MEIS2: variants seen among roughly 807,000 people sequenced by gnomAD.
MEIS2 encodes homeobox protein Meis2.
MEIS2 carries 9 observed loss-of-function variants against 58.6 expected under a neutral mutation model. The observed-to-expected ratio is 0.15, with a 90% confidence interval of 0.09 to 0.27. The LOEUF (loss-of-function observed/expected upper bound fraction) is 0.27. MEIS2 is among the 10% of genes least tolerant of loss of function. The probability of loss-of-function intolerance (pLI) is 1.00; values close to 1 mark genes in which losing one functional copy is unlikely to be tolerated. For synonymous variants in MEIS2, 221 were observed against 228.4 expected (o/e 0.97, Z 0.29); for missense variants, 427 against 635.0 (o/e 0.67, Z 3.52).
chr15:37,088,982 C>T (rs902170584), intron 6 of MEIS2, among the ~76,000 whole-genome samples: 2 of 152,126 alleles, frequency 1.3e-5, no homozygotes, highest in African/African-American at 4.8e-5. Flanking sequence ...CATCTCATCA[C>T]AGTTACACTG....
At chr15:36,980,458 C>T (rs2059896322) in intron 8 of MEIS2, among the ~76,000 whole-genome samples, 1 of 152,154 alleles carries the variant, frequency 6.6e-6, no homozygotes, top group African/African-American at 2.4e-5. Flanking sequence ...TCACCTCTTA[C>T]ATGGATGGCA....
chr15:36,916,983 TCA>T lies in MEIS2; in HGVS notation c.978-20299_978-20298del, dbSNP rs2057306986. On this transcript the variant is annotated intron_variant, in intron 9 of 11. Coordinates refer to ENST00000561208, the MANE Select transcript of MEIS2 (RefSeq NM_170675.5). ...AGTTAGTAAGTGGCAGAAGTGGCAG[TCA>T]GATACACTCATGCACACATATGCGC... is the stretch of plus-strand genomic sequence containing the variant. 2.0e-5 allele frequency among the ~76,000 whole-genome samples: 3 copies of T among 152,222 alleles called. No homozygotes were observed. In the South Asian group the frequency reaches 6.2e-4, roughly 32 times the overall value.
At chr15:37,001,649 A>G (rs1449298588) in intron 8 of MEIS2, among the ~76,000 whole-genome samples, 1 of 152,112 alleles carries the variant, frequency 6.6e-6, no homozygotes, top group African/African-American at 2.4e-5. Context: ...TCATTAGCTT[A>G]CACTTAGATC....
At chr15:36,935,213 G>A (rs572685486) in intron 9 of MEIS2, among the ~76,000 whole-genome samples, 86 of 147,392 alleles carry the variant, frequency 5.8e-4, no homozygotes, top group African/African-American at 2.0e-3. Flanking sequence ...TAGCGGAGGA[G>A]AAATTCTTCT....
intron 8 of MEIS2, among the ~76,000 whole-genome samples, chr15:36,966,985 C>G (rs1301357215): frequency 6.6e-6 from 1 of 152,142 alleles, no homozygotes; most frequent in Non-Finnish European, 1.5e-5. Context: ...GCCAGACCAT[C>G]CTGGGCCTGT....
chr15:36,958,122 T>C (rs752688398), intron 8 of MEIS2, among the ~76,000 whole-genome samples: 1 of 152,142 alleles, frequency 6.6e-6, no homozygotes, highest in Non-Finnish European at 1.5e-5. Flanking sequence ...TAGCCTCCTA[T>C]AGAATTCAGA....
At chr15:36,930,098 G>T (rs1186772334) in intron 9 of MEIS2, among the ~76,000 whole-genome samples, 1 of 151,648 alleles carries the variant, frequency 6.6e-6, no homozygotes, top group Non-Finnish European at 1.5e-5. Flanking sequence ...AGCTACTTGG[G>T]AGGTTGAGGC....
chr15:37,035,097 A>T (rs1276858928), intron 8 of MEIS2, among the ~76,000 whole-genome samples: 1 of 152,178 alleles, frequency 6.6e-6, no homozygotes, highest in East Asian at 1.9e-4. Context: ...ATGGAGGAGG[A>T]CAGAGGGAGG....
At chr15:36,961,639 CAA>C (rs923081965) in intron 8 of MEIS2, among the ~76,000 whole-genome samples, 2 of 151,700 alleles carry the variant, frequency 1.3e-5, no homozygotes, top group Admixed American at 6.6e-5. Flanking sequence ...CTAATTTGGA[CAA>C]AAAAATCAGA....
intron 3 of MEIS2, 26 bp downstream of exon 3, chr15:37,096,263 A>G (rs1193931051): frequency 6.4e-7 from 1 of 1,573,038 alleles, no homozygotes; most frequent in Non-Finnish European, 8.6e-7. Context: ...GACTGCCCGA[A>G]GTTGAGTGGA....
At chr15:36,937,019 C>G (rs1393598148) in intron 9 of MEIS2, among the ~76,000 whole-genome samples, 1 of 152,148 alleles carries the variant, frequency 6.6e-6, no homozygotes, top group Non-Finnish European at 1.5e-5. Context: ...TATGTCAACA[C>G]AAACGGTGAA....
intron 9 of MEIS2, among the ~76,000 whole-genome samples, chr15:36,908,852 T>A (rs1371958797): frequency 6.6e-6 from 1 of 151,996 alleles, no homozygotes; most frequent in Non-Finnish European, 1.5e-5. Flanking sequence ...GGCAGGAGAA[T>A]CGCTTGAACC....
At chr15:36,918,613 G>A (rs1308787639) in intron 9 of MEIS2, among the ~76,000 whole-genome samples, 1 of 152,190 alleles carries the variant, frequency 6.6e-6, no homozygotes, top group African/African-American at 2.4e-5. Flanking sequence ...GCAATAAGAT[G>A]AAAGAGTCTC....
At chr15:36,949,977 C>T (rs969780996) in intron 9 of MEIS2, among the ~76,000 whole-genome samples, 1 of 151,908 alleles carries the variant, frequency 6.6e-6, no homozygotes, top group African/African-American at 2.4e-5. Flanking sequence ...CAAAAACCCG[C>T]GGAGTGACTA....
At chr15:37,003,287 T>G (rs2060801156) in intron 8 of MEIS2, among the ~76,000 whole-genome samples, 1 of 152,184 alleles carries the variant, frequency 6.6e-6, no homozygotes, top group South Asian at 2.1e-4. Flanking sequence ...AAGCTTTGCA[T>G]TCATCAGACA....
intron 7 of MEIS2, among the ~76,000 whole-genome samples, chr15:37,057,388 T>C (rs1567236731): frequency 6.6e-6 from 1 of 152,192 alleles, no homozygotes; most frequent in Non-Finnish European, 1.5e-5. Context: ...TGGAGCTGTA[T>C]TAGCTGATCG....
intron 7 of MEIS2, among the ~76,000 whole-genome samples, chr15:37,052,313 GTA>G (rs2062956851): frequency 1.3e-5 from 2 of 152,212 alleles, no homozygotes; most frequent in Non-Finnish European, 2.9e-5. Flanking sequence ...TCAGCAGGCT[GTA>G]TCTCAACCAC....
intron 9 of MEIS2, among the ~76,000 whole-genome samples, chr15:36,938,493 A>C (rs1335886039): frequency 6.6e-6 from 1 of 152,156 alleles, no homozygotes; most frequent in Non-Finnish European, 1.5e-5. Context: ...TCCCATGCTG[A>C]ATTAGCCACC....
chr15:37,022,512 G>T (rs1219017451), intron 8 of MEIS2, among the ~76,000 whole-genome samples: 1 of 152,094 alleles, frequency 6.6e-6, no homozygotes, highest in African/African-American at 2.4e-5. Flanking sequence ...GTCTCCCAAA[G>T]TGCTGGGATT....
Sources: allele counts gnomAD v4.1 joint callset (sites outside exome capture counted in the v4.1 genomes callset), GRCh38; gene constraint gnomAD v4.1.1; transcripts MANE v1.5; gene names NCBI Gene and HGNC (gene_info 2026-07-23, HGNC 2026-07-21).